The following ZNF135 variants were observed in gnomAD, a reference collection of about 807,000 sequenced individuals.
The protein encoded by ZNF135 is zinc finger protein 135 (clone pHZ-17).
ZNF135 carries 11 observed loss-of-function variants against 12.3 expected under a neutral mutation model. That is an observed-to-expected ratio of 0.89 (90% confidence interval 0.56 to 1.48). The LOEUF (loss-of-function observed/expected upper bound fraction) is 1.48. Among genes scored for constraint, ZNF135 ranks in the 40% most tolerant of loss-of-function variants. The pLI, the probability that ZNF135 is intolerant of heterozygous loss-of-function variation, is 0.00. For missense variants in ZNF135, 722 were observed against 815.7 expected (o/e 0.89, Z 1.40); for synonymous variants, 316 against 312.0 (o/e 1.01, Z -0.14).
chr19:58,069,293 CT>C lies in ZNF135; in HGVS notation c.*833del. On this transcript the variant is annotated 3_prime_UTR_variant, in exon 5 of 5. Transcript: ENST00000313434. ...GATGGCTTTTGCTGCTCTGTTCTCC[CT>C]CTACATTTCTCTGCAGAACTCGCGT... 1 of 152,294 alleles carries C rather than the reference CT, an allele frequency of 6.6e-6. No homozygotes were observed. The highest frequency in any genetic ancestry group is 1.9e-4 in the East Asian group (1 of 5,186). 9.4% of individuals were successfully genotyped at this position (152,294 alleles called of 1,614,324 possible).
intron 4 of ZNF135, among the ~76,000 whole-genome samples, chr19:58,064,160 G>A (rs140433534): frequency 1.3e-5 from 2 of 152,294 alleles, no homozygotes; most frequent in East Asian, 3.9e-4. Flanking sequence ...CCACTGACAG[G>A]CAATTTCCCA....
rs1568610088 is a variant in ZNF135 at position 58,059,365 on chromosome 19, C to CGGGCG, written c.-35+58_-35+59insCGGGG. On this transcript the variant is annotated intron_variant, in intron 1 of 4. Transcript: ENST00000313434. The surrounding 1 kb of genome is among the most constrained non-coding windows in gnomAD (Gnocchi z 6.5). ...GAGGCCAGGCCGGGCCGGGCCGGGC[C>CGGGCG]GGGTGCGGGGGGTCCGGGGATCTTC... 65 of 462,666 alleles carry CGGGCG rather than the reference C, an allele frequency of 1.4e-4. No homozygotes were observed. Among genetic ancestry groups the CGGGCG allele is most frequent in the Non-Finnish European group, 1.7e-4 (55 of 318,418 alleles). The allele number at this position is 462,666 out of a possible 1,614,324, so 28.7% of individuals were successfully genotyped here. A position where few individuals can be genotyped will look rare whatever the true frequency, so the allele number is the denominator to read the frequency against.
At position 58,068,145 on chromosome 19, in the gene ZNF135, A is replaced by G; in HGVS notation, c.1661A>G (p.Gln554Arg). 1 of 1,614,174 alleles carries G rather than the reference A, an allele frequency of 6.2e-7. No homozygotes were observed. Among genetic ancestry groups the G allele is most frequent in the Non-Finnish European group, 8.5e-7 (1 of 1,180,036 alleles). ...HTGEKPYECNQCGRAFSQSSL... is the reference protein window; with the variant it reads ...HTGEKPYECNRCGRAFSQSSL... Reference sequence around the variant, plus strand: ...GGAGAGAAACCCTATGAATGTAACCAGTGTGGCAGAGCCTTCAGCCAGAGC... The same window carrying G: ...GGAGAGAAACCCTATGAATGTAACCGGTGTGGCAGAGCCTTCAGCCAGAGC... Residue 554 changes from glutamine (Q) to arginine (R), a missense_variant, in exon 5 of 5, where the codon CAG becomes CGG. Physicochemically the swap from Gln to Arg is conservative, Grantham distance 43. Coordinates refer to ENST00000313434, the MANE Select transcript of ZNF135 (RefSeq NM_001289401.2).
Position 58,059,347 on chromosome 19 carries a change from G to GGCCGA in ZNF135, c.-35+41_-35+42insAGCCG. 1.0e-6 allele frequency: 1 copy of GGCCGA among 988,950 alleles called. No individual in the cohort carries two copies. Among genetic ancestry groups the GGCCGA allele is most frequent in the Non-Finnish European group, 1.3e-6 (1 of 763,766 alleles). 61.3% of individuals were successfully genotyped at this position (988,950 alleles called of 1,614,324 possible). On this transcript the variant is annotated intron_variant, in intron 1 of 4. Coordinates refer to ENST00000313434, the MANE Select transcript of ZNF135 (RefSeq NM_001289401.2). The surrounding 1 kb of genome is among the most constrained non-coding windows in gnomAD (Gnocchi z 6.5). ...CGGCGAGGAGGGGGAGGGGAGGCCA[G>GGCCGA]GCCGGGCCGGGCCGGGCCGGGTGCG...
Position 58,067,096 on chromosome 19 carries a change from A to G in ZNF135, c.612A>G (p.Leu204=). The G allele has an allele frequency of 1.2e-6, 2 of 1,614,224 alleles. No homozygotes were observed. Among genetic ancestry groups the G allele is most frequent in the Non-Finnish European group, 1.7e-6 (2 of 1,180,030 alleles). ...GGGAGAAGCCAGACCTAAATGTTTTACAGAAAACCTGTGTAAAAGAGAAAC... is the reference window on the plus strand; with the variant it reads ...GGGAGAAGCCAGACCTAAATGTTTTGCAGAAAACCTGTGTAAAAGAGAAAC... ...GKREKPDLNV[L]QKTCVKEKPY... is the part of the protein sequence containing the mutation. The change falls in exon 5 of 5, where the codon TTA becomes TTG. Residue 204 remains leucine, a synonymous_variant. Coordinates refer to ENST00000313434, the MANE Select transcript of ZNF135 (RefSeq NM_001289401.2).
rs577560052 is a variant in ZNF135 at position 58,059,287 on chromosome 19, G to C, written c.-58G>C. ...GCGCAGTGTCGGCTGCCGGTGCCGCGGCCTTTGTCTCGCAGTCAGGAGGGT... is the reference window on the plus strand; with the variant it reads ...GCGCAGTGTCGGCTGCCGGTGCCGCCGCCTTTGTCTCGCAGTCAGGAGGGT... On this transcript the variant is annotated 5_prime_UTR_variant, in exon 1 of 5. Transcript: ENST00000313434. The surrounding 1 kb of genome is among the most constrained non-coding windows in gnomAD (Gnocchi z 6.5). 293 of 1,531,522 alleles carry C rather than the reference G, an allele frequency of 1.9e-4. No homozygotes were observed. In the African/African-American group the frequency reaches 3.8e-3, roughly 20 times the overall value. The allele number at this position is 1,531,522 out of a possible 1,614,324, so 94.9% of individuals were successfully genotyped here.
Position 58,068,135 on chromosome 19 carries a change from G to C in ZNF135, c.1651G>C (p.Glu551Gln). 6.2e-7 allele frequency: 1 copy of C among 1,614,178 alleles called. No homozygotes were observed. Among genetic ancestry groups the C allele is most frequent in the Non-Finnish European group, 8.5e-7 (1 of 1,180,030 alleles). The change falls in exon 5 of 5, where the codon GAA becomes CAA. Residue 551 changes from glutamate to glutamine, a missense_variant. Glu to Gln is a conservative substitution (Grantham distance 29). Transcript: ENST00000313434. The part of the protein sequence containing the change: ...QRIHTGEKPY[E>Q]CNQCGRAFSQ... ...GATCCACACAGGAGAGAAACCCTATGAATGTAACCAGTGTGGCAGAGCCTT... is the reference window on the plus strand; with the variant it reads ...GATCCACACAGGAGAGAAACCCTATCAATGTAACCAGTGTGGCAGAGCCTT...
chr19:58,059,344 C>G lies in ZNF135; in HGVS notation c.-35+34C>G. 6.9e-7 allele frequency: 1 copy of G among 1,447,400 alleles called. No individual in the cohort carries two copies. 89.7% of individuals were successfully genotyped at this position (1,447,400 alleles called of 1,614,324 possible). ...GGCCGGCGAGGAGGGGGAGGGGAGGCCAGGCCGGGCCGGGCCGGGCCGGGT... is the reference window on the plus strand; with the variant it reads ...GGCCGGCGAGGAGGGGGAGGGGAGGGCAGGCCGGGCCGGGCCGGGCCGGGT... On this transcript the variant is annotated intron_variant, in intron 1 of 4. Transcript: ENST00000313434. The surrounding 1 kb of genome is among the most constrained non-coding windows in gnomAD (Gnocchi z 6.5).
rs749226591 is a variant in ZNF135 at position 58,067,638 on chromosome 19, A to T, written c.1154A>T (p.His385Leu). ...ACAGGGGAGAAGCCCTACGAGTGCC[A>T]TGAGTGTGGAAAAGCCTTCACCCAG... ...IHTGEKPYEC[H>L]ECGKAFTQIT... is the part of the protein sequence containing the mutation. Residue 385 changes from histidine (H) to leucine (L), a missense_variant, in exon 5 of 5, where the codon CAT becomes CTT. Coordinates refer to ENST00000313434, the MANE Select transcript of ZNF135 (RefSeq NM_001289401.2). 1.2e-6 allele frequency: 2 copies of T among 1,613,372 alleles called. No individual in the cohort carries two copies. Among genetic ancestry groups the T allele is most frequent in the South Asian group, 1.1e-5 (1 of 91,024 alleles).
At chr19:58,061,736 A>T in intron 3 of ZNF135, 30 bp downstream of exon 3, 1 of 1,589,800 alleles carries the variant, frequency 6.3e-7, no homozygotes, top group South Asian at 1.2e-5. Flanking sequence ...CTATCTGTTG[A>T]TCTGTCCCTG....
chr19:58,066,089 C>T (rs925033222), intron 4 of ZNF135, among the ~76,000 whole-genome samples: 29 of 152,176 alleles, frequency 1.9e-4, no homozygotes, highest in African/African-American at 7.0e-4. Flanking sequence ...AACCCCTACC[C>T]TCAAGGGGTT....
In ZNF135 at chr19:58,063,437, C is replaced by G. The variant is rs202077210; in HGVS notation, c.161-9C>G. 276 of 1,613,796 alleles carry G rather than the reference C, an allele frequency of 1.7e-4. 1 individual carries two copies. Among genetic ancestry groups the G allele is most frequent in the Non-Finnish European group, 2.8e-5 (33 of 1,179,916 alleles). On this transcript the variant is annotated splice_polypyrimidine_tract_variant and intron_variant, in intron 3 of 4. Transcript: ENST00000313434. This position sits in a 1 kb window ranked among gnomAD's most constrained non-coding sequence, Gnocchi z 4.4. ...CAAATGCTCACTCTATGGGTCTCTC[C>G]CTGAGCAGGACATTGGTTACCGAAG... is the stretch of plus-strand genomic sequence containing the variant.
In ZNF135 at chr19:58,069,327, A is replaced by G. The variant is rs1285560138; in HGVS notation, c.*866A>G. 1 of 152,236 alleles carries G rather than the reference A, an allele frequency of 6.6e-6. No homozygotes were observed. Among genetic ancestry groups the G allele is most frequent in the Non-Finnish European group, 1.5e-5 (1 of 68,046 alleles). 9.4% of individuals were successfully genotyped at this position (152,236 alleles called of 1,614,324 possible). On this transcript the variant is annotated 3_prime_UTR_variant, in exon 5 of 5. Transcript: ENST00000313434. ...TCTCTGCAGAACTCGCGTTAGAAAC[A>G]CAGATATTTGTTTTACAAAAAGGGA...
chr19:58,067,819 A>G lies in ZNF135; in HGVS notation c.1335A>G (p.Lys445=). The G allele has an allele frequency of 6.2e-7, 1 of 1,612,436 alleles. No individual in the cohort carries two copies. Among genetic ancestry groups the G allele is most frequent in the Non-Finnish European group, 8.5e-7 (1 of 1,179,516 alleles). The change falls in exon 5 of 5, where the codon AAA becomes AAG. Residue 445 remains lysine (K), a synonymous_variant. Coordinates refer to ENST00000313434, the MANE Select transcript of ZNF135 (RefSeq NM_001289401.2). ...EKPYGCNECG[K]TFSHSSSLSQ... ...CCTATGGATGCAACGAGTGTGGGAAAACCTTCAGCCACAGCTCCTCACTCA... is the reference window on the plus strand; with the variant it reads ...CCTATGGATGCAACGAGTGTGGGAAGACCTTCAGCCACAGCTCCTCACTCA...
Position 58,061,697 on chromosome 19 carries a change from GTC to G in ZNF135, c.155_156del (p.Ser52CysfsTer26). On this transcript the variant is annotated frameshift_variant, in exon 3 of 5. Transcript: ENST00000313434. LOFTEE classifies it high-confidence loss of function. Reference protein sequence around the residue: ...DVMLDTFRLLVSVGHWLPKPN... With the variant: ...DVMLDTFRLLXSVGHWLPKPN... The stretch of plus-strand genomic sequence containing the variant: ...AATGCTGGACACCTTCAGGCTTCTG[GTC>G]TCTGTGGGTAAGGCCACACCCATGT... 6.2e-7 allele frequency: 1 copy of G among 1,612,642 alleles called. No individual in the cohort carries two copies. Among genetic ancestry groups the G allele is most frequent in the Non-Finnish European group, 8.5e-7 (1 of 1,179,416 alleles).
rs1004198266 is a variant in ZNF135, at chr19:58,068,655, C to A, written c.*194C>A. On this transcript the variant is annotated 3_prime_UTR_variant, in exon 5 of 5. Coordinates refer to ENST00000313434, the MANE Select transcript of ZNF135 (RefSeq NM_001289401.2). ...TGGGACCACCAAGCTCTAGGTCATC[C>A]ATCTCTGCATCCAAATAGTAGGGAA... The A allele has an allele frequency of 1.6e-6, 1 of 607,594 alleles. No homozygotes were observed. Among genetic ancestry groups the A allele is most frequent in the African/African-American group, 1.8e-5 (1 of 54,396 alleles). The allele number at this position is 607,594 out of a possible 1,614,324, so 37.6% of individuals were successfully genotyped here.
rs768053290 is a variant in ZNF135 at position 58,066,919 on chromosome 19, G to A, written c.435G>A (p.Val145=). ...GTGAGAGTCTAGAGAGCCTGGCAGT[G>A]CCGGTGGCCTTCACGCCTGTGAAGA... ...WSCESLESLA[V]PVAFTPVKTP... The change falls in exon 5 of 5, where the codon GTG becomes GTA. Residue 145 remains valine, a synonymous_variant. Coordinates refer to ENST00000313434, the MANE Select transcript of ZNF135 (RefSeq NM_001289401.2). 161 of 1,614,084 alleles carry A rather than the reference G, an allele frequency of 1.0e-4. No homozygotes were observed. Among genetic ancestry groups the A allele is most frequent in the Non-Finnish European group, 1.3e-4 (156 of 1,180,044 alleles).
chr19:58,060,254 GGCCTCTACTCGTGC>G lies in ZNF135; in HGVS notation c.33+220_33+233del, dbSNP rs2073951888. 11 of 329,212 alleles carry G rather than the reference GGCCTCTACTCGTGC, an allele frequency of 3.3e-5. No homozygotes were observed. The South Asian group carries it at 5.9e-4, about 18-fold the overall frequency. The allele number at this position is 329,212 out of a possible 1,614,324, so 20.4% of individuals were successfully genotyped here. A position where few individuals can be genotyped will look rare whatever the true frequency, so the allele number is the denominator to read the frequency against. Reference sequence around the variant, plus strand: ...GCGCACCTGGCCTCTACTGGTGCCCGGCCTCTACTCGTGCCCGGCCTCTATTTGCACATCTAGCC... The same window carrying G: ...GCGCACCTGGCCTCTACTGGTGCCCGCCGGCCTCTATTTGCACATCTAGCC... On this transcript the variant is annotated intron_variant, in intron 2 of 4. Coordinates refer to ENST00000313434, the MANE Select transcript of ZNF135 (RefSeq NM_001289401.2). This position sits in a 1 kb window ranked among gnomAD's most constrained non-coding sequence, Gnocchi z 4.9.
In ZNF135 at chr19:58,067,302, C is replaced by T. The variant is rs1323623252; in HGVS notation, c.818C>T (p.Thr273Ile). 4 of 1,613,928 alleles carry T rather than the reference C, an allele frequency of 2.5e-6. No homozygotes were observed. Among genetic ancestry groups the T allele is most frequent in the African/African-American group, 1.3e-5 (1 of 74,886 alleles). The stretch of plus-strand genomic sequence containing the variant: ...ACTGGGGAGAAACCCTATAAATGCA[C>T]TCAGTGTGGGAGGACCTTCAACCAA... ...IHTGEKPYKC[T>I]QCGRTFNQIA... is the part of the protein sequence containing the mutation. Residue 273 changes from threonine to isoleucine, a missense_variant, in exon 5 of 5, where the codon ACT (threonine) becomes ATT (isoleucine). Coordinates refer to ENST00000313434, the MANE Select transcript of ZNF135 (RefSeq NM_001289401.2).
Sources: gnomAD v4.1 joint callset for allele counts (sites outside exome capture counted in the v4.1 genomes callset) on GRCh38, gnomAD v4.1.1 for gene constraint, Gnocchi (gnomAD v3.1) non-coding constraint, MANE v1.5 for transcripts, NCBI Gene and HGNC (gene_info 2026-07-23, HGNC 2026-07-21) for gene names.